The following CAMTA1 variants were observed in gnomAD, a reference collection of about 807,000 sequenced individuals.
CAMTA1 encodes calmodulin-binding transcription activator 1.
Under a neutral mutation model 170.9 loss-of-function variants are expected in CAMTA1, and 27 were observed. That is an observed-to-expected ratio of 0.16 (90% CI 0.12 to 0.22). The LOEUF (loss-of-function observed/expected upper bound fraction) is 0.22, where lower values mean the gene tolerates loss of function less well. Among genes scored for constraint, CAMTA1 ranks in the 10% least tolerant of loss-of-function variants. The probability of loss-of-function intolerance (pLI) is 1.00; values close to 1 mark genes in which losing one functional copy is unlikely to be tolerated. For synonymous variants in CAMTA1, 833 were observed against 891.5 expected, an observed-to-expected ratio of 0.93 and a Z score of 1.17; for missense variants, 1,619 against 2,217.2, an observed-to-expected ratio of 0.73 and a Z score of 5.42.
chr1:7,574,562 A>G (rs190036531), intron 6 of CAMTA1, among the ~76,000 whole-genome samples: 2 of 152,270 alleles, frequency 1.3e-5, no homozygotes, highest in Admixed American at 6.5e-5. Flanking sequence ...GCCACGATCA[A>G]TATGCCTCTA....
At chr1:7,491,829 T>A (rs1446537804) in intron 6 of CAMTA1, among the ~76,000 whole-genome samples, 1 of 152,240 alleles carries the variant, frequency 6.6e-6, no homozygotes, top group Admixed American at 6.5e-5. Flanking sequence ...TCCTCTGGGT[T>A]TGTTTACTTG....
intron 3 of CAMTA1, among the ~76,000 whole-genome samples, chr1:6,880,533 G>A (rs887693810): frequency 1.6e-4 from 24 of 151,842 alleles, no homozygotes; most frequent in Admixed American, 5.9e-4. Context: ...GGGACCACAG[G>A]GGCATGCCAC....
chr1:7,013,927 A>G (rs997519172), intron 3 of CAMTA1, among the ~76,000 whole-genome samples: 1 of 152,242 alleles, frequency 6.6e-6, no homozygotes, highest in Non-Finnish European at 1.5e-5. Flanking sequence ...AGCCTCCTCC[A>G]AAGTCAGAGA....
intron 3 of CAMTA1, among the ~76,000 whole-genome samples, chr1:7,089,902 A>G (rs1354718965): frequency 6.6e-6 from 1 of 152,200 alleles, no homozygotes; most frequent in East Asian, 1.9e-4. Flanking sequence ...AGAGGAAATA[A>G]CACGTAAAAA....
intron 5 of CAMTA1, among the ~76,000 whole-genome samples, chr1:7,301,152 A>C (rs1674695516): frequency 6.6e-6 from 1 of 152,198 alleles, no homozygotes; most frequent in South Asian, 2.1e-4. Context: ...ACAAGGATCA[A>C]AGTGCACCTA....
In CAMTA1 at chr1:7,534,280, A is replaced by G. The variant is rs1276462883; in HGVS notation, c.510+66379A>G. ...CAGAGCCCAGGCTGGCTGGAGGCCG[A>G]GGCTGGGGGCCGCGGGGCTATTTTT... is the stretch of plus-strand genomic sequence containing the variant. On this transcript the variant is annotated intron_variant, in intron 6 of 22. Transcript: ENST00000303635. The surrounding 1 kb of genome is among the most constrained non-coding windows in gnomAD (Gnocchi z 5.6). Among the ~76,000 whole-genome samples, 2 of 152,208 alleles carry G rather than the reference A, an allele frequency of 1.3e-5. No homozygotes were observed. The highest frequency in any genetic ancestry group is 2.9e-5 in the Non-Finnish European group (2 of 68,032).
At chr1:7,055,390 C>T (rs898235460) in intron 3 of CAMTA1, among the ~76,000 whole-genome samples, 3 of 152,190 alleles carry the variant, frequency 2.0e-5, no homozygotes, top group Non-Finnish European at 4.4e-5. Context: ...TTTGGCTCTA[C>T]CTCTCAGTGG....
chr1:7,743,566 C>G (rs2096833546), intron 16 of CAMTA1, among the ~76,000 whole-genome samples: 1 of 152,120 alleles, frequency 6.6e-6, no homozygotes, highest in African/African-American at 2.4e-5. Flanking sequence ...TAAGTGGAAT[C>G]ATGCACCATG....
At chr1:6,922,133 A>G (rs1214141895) in intron 3 of CAMTA1, among the ~76,000 whole-genome samples, 1 of 152,220 alleles carries the variant, frequency 6.6e-6, no homozygotes, top group Non-Finnish European at 1.5e-5. Flanking sequence ...TTGCTCCACT[A>G]TACCTGTTTT....
intron 5 of CAMTA1, chr1:7,368,878 G>A (rs2086221524): frequency 6.6e-6 from 1 of 152,302 alleles, no homozygotes; most frequent in African/African-American, 2.4e-5. Context: ...CTGCCACGAA[G>A]CCCTTGCCAG....
chr1:7,479,229 G>C (rs980945918), intron 6 of CAMTA1, among the ~76,000 whole-genome samples: 1 of 152,218 alleles, frequency 6.6e-6, no homozygotes, highest in African/African-American at 2.4e-5. Context: ...TCCCACGGGA[G>C]ACACACCACC....
chr1:6,847,279 C>A lies in CAMTA1; in HGVS notation c.234+22069C>A, dbSNP rs117621380. On this transcript the variant is annotated intron_variant, in intron 3 of 22. Transcript: ENST00000303635. Reference sequence around the variant, plus strand: ...TTTTTTTTTAAAAATGACACTAAAGCTGTATTTTGAAGATGATTAGAAAGT... The same window carrying A: ...TTTTTTTTTAAAAATGACACTAAAGATGTATTTTGAAGATGATTAGAAAGT... Among the ~76,000 whole-genome samples, 153 of 152,042 alleles carry A rather than the reference C, an allele frequency of 1.0e-3. 5 individuals are homozygous for A. The East Asian group carries it at 0.026, about 26-fold the overall frequency.
intron 3 of CAMTA1, among the ~76,000 whole-genome samples, chr1:6,869,833 C>T (rs753414981): frequency 5.3e-5 from 8 of 152,126 alleles, no homozygotes; most frequent in Non-Finnish European, 7.4e-5. Context: ...CCTGCCTGGA[C>T]GTCACGTTCA....
At chr1:6,807,209 A>C (rs1456935226) in intron 1 of CAMTA1, 5 of 448,638 alleles carry the variant, frequency 1.1e-5, no homozygotes, top group Non-Finnish European at 1.6e-5. Context: ...AGTTCCAGGT[A>C]ATTGGGTGAG....
intron 4 of CAMTA1, among the ~76,000 whole-genome samples, chr1:7,155,009 A>G (rs1436822303): frequency 1.3e-5 from 2 of 152,104 alleles, no homozygotes; most frequent in Non-Finnish European, 2.9e-5. Flanking sequence ...ACATCCCCTG[A>G]CCAGTTTGCA....
intron 11 of CAMTA1, among the ~76,000 whole-genome samples, chr1:7,686,663 G>A (rs953351743): frequency 2.0e-5 from 3 of 152,162 alleles, no homozygotes; most frequent in South Asian, 2.1e-4. Context: ...CAAGAACACC[G>A]CAGCTGCCAC....
At position 7,146,740 on chromosome 1, in the gene CAMTA1, C is replaced by T. The variant is rs1251937072; in HGVS notation, c.302+55369C>T. The stretch of plus-strand genomic sequence containing the variant: ...CGTATTGCACACACACAAACACACA[C>T]TCAAACATAAACCATGCACACACAC... On this transcript the variant is annotated intron_variant, in intron 4 of 22. Coordinates refer to ENST00000303635, the MANE Select transcript of CAMTA1 (RefSeq NM_015215.4). This position sits in a 1 kb window ranked among gnomAD's most constrained non-coding sequence, Gnocchi z 4.3. Among the ~76,000 whole-genome samples the T allele has an allele frequency of 6.6e-6, 1 of 151,972 alleles. No individual in the cohort carries two copies. The highest frequency in any genetic ancestry group is 1.5e-5 in the Non-Finnish European group (1 of 68,004).
In CAMTA1 at chr1:7,048,722, C is replaced by T. The variant is rs138773224; in HGVS notation, c.235-42582C>T. 1.4e-4 allele frequency among the ~76,000 whole-genome samples: 21 copies of T among 152,314 alleles called. No homozygotes were observed. The East Asian group carries it at 3.1e-3, about 22-fold the overall frequency. On this transcript the variant is annotated intron_variant, in intron 3 of 22. Coordinates refer to ENST00000303635, the MANE Select transcript of CAMTA1 (RefSeq NM_015215.4). ...CAGCTGGTCTTGAGTCCGAAGTGAG[C>T]GGCTTCCTTTGTCGCTTGGGAGCTG...
At chr1:6,967,646 T>C (rs1691794318) in intron 3 of CAMTA1, among the ~76,000 whole-genome samples, 1 of 152,192 alleles carries the variant, frequency 6.6e-6, no homozygotes, top group African/African-American at 2.4e-5. Flanking sequence ...CTCCATGAGC[T>C]CTGGCTGTGC....
Sources: gnomAD v4.1 joint callset for allele counts (sites outside exome capture counted in the v4.1 genomes callset) on GRCh38, gnomAD v4.1.1 for gene constraint, Gnocchi (gnomAD v3.1) non-coding constraint, MANE v1.5 for transcripts, NCBI Gene and HGNC (gene_info 2026-07-23, HGNC 2026-07-21) for gene names.